Variants in PWWP2B observed in about 807,000 individuals in gnomAD.
The protein encoded by PWWP2B is PWWP domain containing 2B.
A neutral mutation model predicts 15.5 loss-of-function variants in PWWP2B; 9 were observed. The observed-to-expected ratio is 0.58, with a 90% CI of 0.35 to 1.02. The LOEUF (loss-of-function observed/expected upper bound fraction) is 1.02, where lower values mean the gene tolerates loss of function less well. PWWP2B is among the 50% of genes least tolerant of loss of function. The pLI, the probability that PWWP2B is intolerant of heterozygous loss-of-function variation, is 0.02. For missense variants in PWWP2B, 864 were observed against 865.3 expected, an observed-to-expected ratio of 1.00 and a Z score of 0.02; for synonymous variants, 474 against 403.6, an observed-to-expected ratio of 1.17 and a Z score of -2.09.
chr10:132,400,229 G>C (rs2133145829), intron 1 of PWWP2B, among the ~76,000 whole-genome samples: 1 of 152,298 alleles, frequency 6.6e-6, no homozygotes, highest in African/African-American at 2.4e-5. Flanking sequence ...CACAGGCCTA[G>C]TGCATTGAAG....
chr10:132,400,640 CT>C (rs1359065930), intron 1 of PWWP2B, among the ~76,000 whole-genome samples: 1 of 152,226 alleles, frequency 6.6e-6, no homozygotes, highest in Admixed American at 6.5e-5. Context: ...CCTGCCCGCC[CT>C]TTTCCCGCAT....
intron 1 of PWWP2B, among the ~76,000 whole-genome samples, chr10:132,399,658 C>T (rs531795753): frequency 2.6e-4 from 39 of 152,266 alleles, no homozygotes; most frequent in Non-Finnish European, 5.4e-4. Context: ...GTGGGCTGAG[C>T]CCGGAGCAGG....
At chr10:132,407,683 G>A (rs1269969881) in intron 2 of PWWP2B, among the ~76,000 whole-genome samples, 1 of 152,186 alleles carries the variant, frequency 6.6e-6, no homozygotes. Flanking sequence ...CCTGAGGCCA[G>A]GCACAAACCT....
chr10:132,416,434 G>C (rs969403957), intron 2 of PWWP2B, among the ~76,000 whole-genome samples: 2 of 152,184 alleles, frequency 1.3e-5, no homozygotes, highest in Non-Finnish European at 2.9e-5. Flanking sequence ...CGGGGCTGAC[G>C]GGATCGTCTG....
intron 2 of PWWP2B, 50 bp downstream of exon 2, chr10:132,406,339 C>T: frequency 6.8e-7 from 1 of 1,463,336 alleles, no homozygotes; most frequent in Non-Finnish European, 9.3e-7. Flanking sequence ...CAAGCTCACA[C>T]CTGTGTCCAG....
Position 132,405,102 on chromosome 10 carries a change from G to C in PWWP2B, c.602G>C (p.Arg201Pro), listed in dbSNP as rs754193346. The change falls in exon 2 of 3, where the codon CGC becomes CCC. Residue 201 changes from arginine to proline, a missense_variant. Around this residue, in one of 2 missense-constraint regions of PWWP2B, gnomAD observed 736 missense variants for 687.7 expected, o/e 1.07. Coordinates refer to ENST00000305233, the MANE Select transcript of PWWP2B (RefSeq NM_138499.4). ...GGACCCCCAGCCGCGCCCAGGGCCC[G>C]CAGGAGGCTGGGCAGCGGCCCGGAC... ...SPGPPAAPRA[R>P]RRLGSGPDRE... is the part of the protein sequence containing the mutation. The C allele has an allele frequency of 1.3e-6, 2 of 1,537,368 alleles. No individual in the cohort carries two copies. The highest frequency in any genetic ancestry group is 2.8e-5 in the African/African-American group (2 of 72,360).
At chr10:132,410,244 G>T (rs1317130592) in intron 2 of PWWP2B, among the ~76,000 whole-genome samples, 1 of 152,094 alleles carries the variant, frequency 6.6e-6, no homozygotes, top group Non-Finnish European at 1.5e-5. Flanking sequence ...TCCAGTTCTC[G>T]GGAGGTGCCT....
At chr10:132,401,194 G>A (rs2069610503) in intron 1 of PWWP2B, among the ~76,000 whole-genome samples, 1 of 152,244 alleles carries the variant, frequency 6.6e-6, no homozygotes, top group Non-Finnish European at 1.5e-5. Context: ...ACACTGCTGT[G>A]CCATTGGGAG....
At chr10:132,410,928 GC>G (rs1343847015) in intron 2 of PWWP2B, among the ~76,000 whole-genome samples, 1 of 152,258 alleles carries the variant, frequency 6.6e-6, no homozygotes, top group South Asian at 2.1e-4. Context: ...TTCCCCTCCT[GC>G]CCTGGCAGGG....
rs752403093 is a variant in PWWP2B, at chr10:132,404,796, C to G, written c.296C>G (p.Pro99Arg). Residue 99 changes from proline (P) to arginine (R), a missense_variant, in exon 2 of 3, where the codon CCC becomes CGC. By Grantham distance (103) the Pro-to-Arg change is moderately radical. Around this residue, in one of 2 missense-constraint regions of PWWP2B, gnomAD observed 736 missense variants for 687.7 expected, o/e 1.07. Transcript: ENST00000305233. ...RGVQPPETTR[P>R]EPPPPLVPPL... ...GTTCAGCCCCCCGAGACCACCCGCC[C>G]CGAGCCACCCCCGCCCCTCGTGCCG... 3 of 1,524,688 alleles carry G rather than the reference C, an allele frequency of 2.0e-6. No homozygotes were observed. Among genetic ancestry groups the G allele is most frequent in the Non-Finnish European group, 2.7e-6 (3 of 1,123,786 alleles). 94.4% of individuals were successfully genotyped at this position (1,524,688 alleles called of 1,614,324 possible).
At position 132,404,979 on chromosome 10, in the gene PWWP2B, A is replaced by G; in HGVS notation, c.479A>G (p.Asp160Gly). ...RTRRRLSRNRDPGRLILSTIR... is the reference protein window; with the variant it reads ...RTRRRLSRNRGPGRLILSTIR... ...CGGCGGCGTCTGTCCCGCAACCGCG[A>G]CCCGGGGCGCCTCATCCTCAGCACC... The change falls in exon 2 of 3, where the codon GAC becomes GGC. Residue 160 changes from aspartate (D) to glycine (G), a missense_variant. By Grantham distance (94) the Asp-to-Gly change is moderately conservative. Coordinates refer to ENST00000305233, the MANE Select transcript of PWWP2B (RefSeq NM_138499.4). 1 of 1,574,732 alleles carries G rather than the reference A, an allele frequency of 6.4e-7. No homozygotes were observed. The highest frequency in any genetic ancestry group is 8.6e-7 in the Non-Finnish European group (1 of 1,168,068).
intron 2 of PWWP2B, among the ~76,000 whole-genome samples, chr10:132,414,714 T>C (rs963842034): frequency 3.9e-5 from 6 of 152,254 alleles, no homozygotes; most frequent in South Asian, 2.1e-4. Flanking sequence ...GGAATGCGTT[T>C]GTGTGACCGG....
intron 2 of PWWP2B, among the ~76,000 whole-genome samples, chr10:132,409,726 T>C (rs1015474993): frequency 1.4e-5 from 2 of 147,540 alleles, no homozygotes; most frequent in Non-Finnish European, 3.0e-5. Flanking sequence ...GGGCTGTGAA[T>C]CACCAGTTCC....
chr10:132,409,075 T>TG (rs2069742624), intron 2 of PWWP2B, among the ~76,000 whole-genome samples: 1 of 152,226 alleles, frequency 6.6e-6, no homozygotes, highest in Admixed American at 6.5e-5. Flanking sequence ...CACCTGCTGT[T>TG]GCGGTCTCAG....
chr10:132,412,018 C>T (rs1357139106), intron 2 of PWWP2B, among the ~76,000 whole-genome samples: 2 of 152,238 alleles, frequency 1.3e-5, no homozygotes, highest in African/African-American at 2.4e-5. Context: ...GAGCCTGCTG[C>T]AGGGGCTCAG....
chr10:132,407,062 G>T (rs2069710881), intron 2 of PWWP2B, among the ~76,000 whole-genome samples: 1 of 152,174 alleles, frequency 6.6e-6, no homozygotes, highest in South Asian at 2.1e-4. Context: ...CTGTGTGGAG[G>T]TGTGGGGGTG....
In PWWP2B at chr10:132,397,249, G is replaced by T; in HGVS notation, c.23G>T (p.Arg8Leu). Residue 8 changes from arginine to leucine, a missense_variant, in exon 1 of 3, where the codon CGG becomes CTG. This residue lies in a region of PWWP2B where 736 missense variants were observed against 687.7 expected (regional missense o/e 1.07). Transcript: ENST00000305233. ...AGCATGGAGCCGCGCGCCGGCTGCC[G>T]GCTGCCGGTGCGGGTGGAGCAGGTC... MEPRAGC[R>L]LPVRVEQVVN... 2 of 1,280,488 alleles carry T rather than the reference G, an allele frequency of 1.6e-6. No homozygotes were observed. The highest frequency in any genetic ancestry group is 9.9e-7 in the Non-Finnish European group (1 of 1,005,208). 79.3% of individuals were successfully genotyped at this position (1,280,488 alleles called of 1,614,324 possible). A position where few individuals can be genotyped will look rare whatever the true frequency, so the allele number is the denominator to read the frequency against.
At chr10:132,401,214 C>G (rs1356906569) in intron 1 of PWWP2B, among the ~76,000 whole-genome samples, 1 of 152,198 alleles carries the variant, frequency 6.6e-6, no homozygotes, top group South Asian at 2.1e-4. Context: ...GTGGCACTGG[C>G]GTACTTTTTG....
chr10:132,399,232 G>T (rs1476790718), intron 1 of PWWP2B, among the ~76,000 whole-genome samples: 1 of 152,276 alleles, frequency 6.6e-6, no homozygotes, highest in Admixed American at 6.5e-5. Flanking sequence ...GACAGTGGAG[G>T]CCCAGTCCCC....
Sources: gnomAD v4.1 joint callset for allele counts (sites outside exome capture counted in the v4.1 genomes callset) on GRCh38, gnomAD v4.1.1 for gene constraint, gnomAD v4.1.1 regional missense constraint, MANE v1.5 for transcripts, NCBI Gene and HGNC (gene_info 2026-07-23, HGNC 2026-07-21) for gene names.